The following CADM2 variants were observed in gnomAD, a reference collection of about 807,000 sequenced individuals.
CADM2 encodes the protein immunoglobulin superfamily member 4D.
Under a neutral mutation model 49.8 loss-of-function variants are expected in CADM2, and 12 were observed. That is an observed-to-expected ratio of 0.24 (90% confidence interval 0.15 to 0.39). The LOEUF (loss-of-function observed/expected upper bound fraction) is 0.39. Among genes scored for constraint, CADM2 ranks in the 10% least tolerant of loss-of-function variants. The pLI, the probability that CADM2 is intolerant of heterozygous loss-of-function variation, is 1.00. For synonymous variants in CADM2, 214 were observed against 175.4 expected (o/e 1.22, Z -1.74); for missense variants, 378 against 492.3 (o/e 0.77, Z 2.20).
At chr3:85,764,961 GT>G (rs576537974) in intron 2 of CADM2, among the ~76,000 whole-genome samples, 3 of 151,814 alleles carry the variant, frequency 2.0e-5, no homozygotes, top group Non-Finnish European at 2.9e-5. Flanking sequence ...GATTTATTCT[GT>G]TTTTTTGTTT....
intron 1 of CADM2, among the ~76,000 whole-genome samples, chr3:85,284,665 T>C: frequency 6.6e-6 from 1 of 152,048 alleles, no homozygotes; most frequent in Non-Finnish European, 1.5e-5. Context: ...TGCCTGCCTA[T>C]GCATGGGAGG....
intron 3 of CADM2, among the ~76,000 whole-genome samples, chr3:85,832,897 A>C (rs1032201719): frequency 1.3e-5 from 2 of 151,928 alleles, no homozygotes; most frequent in African/African-American, 4.8e-5. Flanking sequence ...CTTCAGATGA[A>C]TGCTTCCAGC....
intron 1 of CADM2, among the ~76,000 whole-genome samples, chr3:85,418,220 A>G (rs2036001733): frequency 1.0e-5 from 1 of 99,412 alleles, no homozygotes; most frequent in East Asian, 6.4e-4. Context: ...GTAGCTACCT[A>G]TCATACATTT....
At chr3:85,769,123 TATATA>T (rs2069840429) in intron 2 of CADM2, among the ~76,000 whole-genome samples, 1 of 44,994 alleles carries the variant, frequency 2.2e-5, no homozygotes, top group East Asian at 9.6e-4. Context: ...TATATACACA[TATATA>T]CATATATAGT....
intron 1 of CADM2, among the ~76,000 whole-genome samples, chr3:85,530,405 A>T (rs2061277897): frequency 8.7e-6 from 1 of 114,300 alleles, no homozygotes; most frequent in South Asian, 2.7e-4. Context: ...ATCTCGGCTC[A>T]CTGCGAGCTC....
At chr3:85,677,424 C>G (rs921643298) in intron 1 of CADM2, among the ~76,000 whole-genome samples, 1 of 151,966 alleles carries the variant, frequency 6.6e-6, no homozygotes, top group Non-Finnish European at 1.5e-5. Context: ...GAAGTTACAT[C>G]GTATGAACAT....
At chr3:85,236,642 G>T (rs2042413627) in intron 1 of CADM2, among the ~76,000 whole-genome samples, 1 of 151,986 alleles carries the variant, frequency 6.6e-6, no homozygotes, top group African/African-American at 2.4e-5. Flanking sequence ...CACATGATTT[G>T]GTGACATGTG....
At chr3:85,434,182 T>C in intron 1 of CADM2, among the ~76,000 whole-genome samples, 1 of 152,134 alleles carries the variant, frequency 6.6e-6, no homozygotes, top group African/African-American at 2.4e-5. Context: ...AAACTTCTAG[T>C]ATTATTCATT....
At chr3:85,928,763 G>GT (rs558667265) in intron 6 of CADM2, among the ~76,000 whole-genome samples, 15 of 152,004 alleles carry the variant, frequency 9.9e-5, no homozygotes, top group African/African-American at 3.4e-4. Context: ...CAAAACTTCA[G>GT]TTTTTTTGCA....
intron 1 of CADM2, among the ~76,000 whole-genome samples, chr3:85,344,889 A>C (rs2030411419): frequency 6.6e-6 from 1 of 152,310 alleles, no homozygotes. Context: ...AAATAACCTA[A>C]GAACCTGGTA....
At chr3:86,044,917 G>T (rs968830710) in intron 8 of CADM2, among the ~76,000 whole-genome samples, 5 of 152,094 alleles carry the variant, frequency 3.3e-5, no homozygotes, top group Non-Finnish European at 5.9e-5. Context: ...TAGGGACATG[G>T]ATGAAGCTGG....
chr3:85,703,813 T>C (rs1029761340), intron 1 of CADM2, among the ~76,000 whole-genome samples: 1 of 152,152 alleles, frequency 6.6e-6, no homozygotes. Flanking sequence ...TTTATTCACA[T>C]TCAACAGGAA....
intron 1 of CADM2, among the ~76,000 whole-genome samples, chr3:85,084,075 C>T (rs1009374789): frequency 6.6e-6 from 1 of 152,078 alleles, no homozygotes; most frequent in African/African-American, 2.4e-5. Flanking sequence ...AAATAAGCTG[C>T]GTGATGTGAA....
At position 85,961,621 on chromosome 3, in the gene CADM2, G is replaced by T; in HGVS notation, c.944G>T (p.Ser315Ile). 1 of 1,587,038 alleles carries T rather than the reference G, an allele frequency of 6.3e-7. No homozygotes were observed. Among genetic ancestry groups the T allele is most frequent in the Middle Eastern group, 1.7e-4 (1 of 5,956 alleles). ...GCCACAAACACCATTGGCCAAAGCAGTGCGGAATATGTTCTCATTGTGCAT... is the reference window on the plus strand; with the variant it reads ...GCCACAAACACCATTGGCCAAAGCATTGCGGAATATGTTCTCATTGTGCAT... The part of the protein sequence containing the change: ...CEATNTIGQS[S>I]AEYVLIVHDP... Residue 315 changes from serine (S) to isoleucine (I), a missense_variant, in exon 8 of 10, where the codon AGT (serine) becomes ATT (isoleucine). By Grantham distance (142) the Ser-to-Ile change is moderately radical (BLOSUM62 -2). Coordinates refer to ENST00000383699, the MANE Select transcript of CADM2 (RefSeq NM_001167675.2).
intron 1 of CADM2, among the ~76,000 whole-genome samples, chr3:85,707,142 C>A (rs903639448): frequency 1.3e-5 from 2 of 151,790 alleles, no homozygotes; most frequent in African/African-American, 4.8e-5. Flanking sequence ...TTACTTTATA[C>A]TGTATATGTT....
At chr3:85,874,407 T>G (rs1577534034) in intron 3 of CADM2, among the ~76,000 whole-genome samples, 1 of 152,204 alleles carries the variant, frequency 6.6e-6, no homozygotes, top group African/African-American at 2.4e-5. Flanking sequence ...TGTTTTTGAT[T>G]CCCAATCTAC....
At chr3:85,541,535 A>G (rs1455281157) in intron 1 of CADM2, among the ~76,000 whole-genome samples, 1 of 150,412 alleles carries the variant, frequency 6.6e-6, no homozygotes, top group Non-Finnish European at 1.5e-5. Context: ...ACATTACTAC[A>G]GGATAGTAAA....
chr3:85,955,174 G>A (rs564009475), intron 7 of CADM2, among the ~76,000 whole-genome samples: 1 of 150,478 alleles, frequency 6.6e-6, no homozygotes, highest in Admixed American at 6.6e-5. Flanking sequence ...TGTCTTGAAT[G>A]TGACATTTTT....
chr3:86,060,189 A>G (rs2107387582), intron 8 of CADM2, among the ~76,000 whole-genome samples: 1 of 152,106 alleles, frequency 6.6e-6, no homozygotes, highest in South Asian at 2.1e-4. Context: ...AAATTGATCT[A>G]CAACAAATTT....
Sources: allele counts gnomAD v4.1 joint callset (sites outside exome capture counted in the v4.1 genomes callset), GRCh38; gene constraint gnomAD v4.1.1; transcripts MANE v1.5; gene names NCBI Gene and HGNC (gene_info 2026-07-23, HGNC 2026-07-21).